The following SMARCD2 variants were observed in gnomAD, a reference collection of about 807,000 sequenced individuals.
The protein encoded by SMARCD2 is SWI/SNF related BAF chromatin remodeling complex subunit D2.
Under a neutral mutation model 70.4 loss-of-function variants are expected in SMARCD2, and 39 were observed. The observed-to-expected ratio is 0.55, with a 90% CI of 0.43 to 0.72. SMARCD2 has a LOEUF of 0.72. Among genes scored for constraint, SMARCD2 ranks in the 30% least tolerant of loss-of-function variants. The probability of loss-of-function intolerance (pLI) is 0.00; values close to 1 mark genes in which losing one functional copy is unlikely to be tolerated. For synonymous variants in SMARCD2, 249 were observed against 279.4 expected (o/e 0.89, Z 1.08); for missense variants, 540 against 713.4 (o/e 0.76, Z 2.77).
intron 1 of SMARCD2, among the ~76,000 whole-genome samples, chr17:63,839,817 C>A (rs1391294131): frequency 6.6e-6 from 1 of 152,162 alleles, no homozygotes; most frequent in Non-Finnish European, 1.5e-5. Flanking sequence ...AACATACCAC[C>A]CACTCTCCCA....
intron 4 of SMARCD2, among the ~76,000 whole-genome samples, chr17:63,836,343 C>T (rs1004695246): frequency 6.6e-6 from 1 of 151,482 alleles, no homozygotes; most frequent in Non-Finnish European, 1.5e-5. Context: ...ACTAAAAATA[C>T]AAAAATTAGC....
At chr17:63,838,700 C>G (rs1249874222) in intron 1 of SMARCD2, 1 of 1,391,064 alleles carries the variant, frequency 7.2e-7, no homozygotes, top group Admixed American at 2.9e-5. Flanking sequence ...CCTGCAAGGC[C>G]TGTTTGGCAG....
chr17:63,841,732 T>G (rs987952760), intron 1 of SMARCD2, among the ~76,000 whole-genome samples: 1 of 152,204 alleles, frequency 6.6e-6, no homozygotes, highest in Non-Finnish European at 1.5e-5. Context: ...AGGGCTCCAC[T>G]CTGCACGTCC....
At chr17:63,841,137 G>C (rs1026302981) in intron 1 of SMARCD2, among the ~76,000 whole-genome samples, 1 of 152,252 alleles carries the variant, frequency 6.6e-6, no homozygotes, top group Admixed American at 6.5e-5. Flanking sequence ...AATCCCCAAC[G>C]GGGACAGCAA....
intron 1 of SMARCD2, chr17:63,838,838 C>G: frequency 8.0e-7 from 1 of 1,254,436 alleles, no homozygotes; most frequent in East Asian, 3.1e-5. Context: ...AAGGACCCTC[C>G]CCCACCCCAG....
intron 1 of SMARCD2, among the ~76,000 whole-genome samples, chr17:63,838,079 G>A (rs1210548008): frequency 6.6e-6 from 1 of 152,150 alleles, no homozygotes; most frequent in African/African-American, 2.4e-5. Context: ...TCACTGCCAG[G>A]CAGAGGAGTG....
At position 63,834,075 on chromosome 17, in the gene SMARCD2, G is replaced by A. The variant is rs1316840931; in HGVS notation, c.1084-69C>T. The stretch of plus-strand genomic sequence containing the variant: ...TGGAGTGGACCATTCCAGGACCAGT[G>A]AGGGCAGCAGTCTGCAGGCTGTGGC... On this transcript the variant is annotated intron_variant, in intron 8 of 12. Transcript: ENST00000448276. The surrounding 1 kb of genome is among the most constrained non-coding windows in gnomAD (Gnocchi z 5.6). 4.4e-6 allele frequency: 7 copies of A among 1,589,438 alleles called. No homozygotes were observed. In the Admixed American group the frequency reaches 5.0e-5, roughly 11 times the overall value.
Position 63,834,705 on chromosome 17 carries a change from C to T in SMARCD2, c.819G>A (p.Glu273=). Residue 273 remains glutamate (E), a splice_region_variant and synonymous_variant, in exon 6 of 13, where the codon GAG becomes GAA. Coordinates refer to ENST00000448276, the MANE Select transcript of SMARCD2 (RefSeq NM_001098426.2). This position sits in a 1 kb window ranked among gnomAD's most constrained non-coding sequence, Gnocchi z 5.6. ...GCTTTTGCCCCAGGCCCACTCTCAC[C>T]TCCACCAGGTGATTGTCAGGCCCGT... The part of the protein sequence containing the change: ...ELYGPDNHLV[E]WHRMPTTQET... 6.2e-7 allele frequency: 1 copy of T among 1,611,852 alleles called. No individual in the cohort carries two copies. Among genetic ancestry groups the T allele is most frequent in the South Asian group, 1.1e-5 (1 of 91,062 alleles).
At position 63,833,717 on chromosome 17, in the gene SMARCD2, T is replaced by C; in HGVS notation, c.1187A>G (p.Asp396Gly). 6.2e-7 allele frequency: 1 copy of C among 1,613,878 alleles called. No homozygotes were observed. Among genetic ancestry groups the C allele is most frequent in the Non-Finnish European group, 8.5e-7 (1 of 1,179,858 alleles). Residue 396 changes from aspartate to glycine, a missense_variant, in exon 10 of 13, where the codon GAC becomes GGC. Transcript: ENST00000448276. This position sits in a 1 kb window ranked among gnomAD's most constrained non-coding sequence, Gnocchi z 4.3. ...PIVINHVISV[D>G]PNDQKKTACY... is the part of the protein sequence containing the mutation. Reference sequence around the variant, plus strand: ...GGCTGTCTTCTTCTGGTCGTTAGGGTCGACACTGCAGGCAGCACATGGGGA... The same window carrying C: ...GGCTGTCTTCTTCTGGTCGTTAGGGCCGACACTGCAGGCAGCACATGGGGA...
intron 5 of SMARCD2, chr17:63,835,032 CTG>C (rs2040247387): frequency 7.0e-6 from 4 of 570,296 alleles, no homozygotes; most frequent in Non-Finnish European, 1.2e-5. Flanking sequence ...TGCAGGAACA[CTG>C]TAATAACCAC....
chr17:63,842,251 G>T, intron 1 of SMARCD2: 2 of 906,074 alleles, frequency 2.2e-6, no homozygotes, highest in Non-Finnish European at 2.8e-6. Context: ...CCTCCCAGCT[G>T]CTTCCAGCCC....
Position 63,834,630 on chromosome 17 carries a change from C to A in SMARCD2, c.820-55G>T. On this transcript the variant is annotated intron_variant, in intron 6 of 12. Transcript: ENST00000448276. This position sits in a 1 kb window ranked among gnomAD's most constrained non-coding sequence, Gnocchi z 5.6. ...CAAGGGGGTGGGCGTGAACACAGGGCCTCCCAAGGGCCCTGAGGCCATTTC... is the reference window on the plus strand; with the variant it reads ...CAAGGGGGTGGGCGTGAACACAGGGACTCCCAAGGGCCCTGAGGCCATTTC... 6.4e-7 allele frequency: 1 copy of A among 1,569,648 alleles called. No individual in the cohort carries two copies. Among genetic ancestry groups the A allele is most frequent in the Non-Finnish European group, 8.8e-7 (1 of 1,141,782 alleles).
chr17:63,836,851 G>T, intron 4 of SMARCD2, 71 bp downstream of exon 4: 1 of 1,520,128 alleles, frequency 6.6e-7, no homozygotes, highest in South Asian at 1.1e-5. Context: ...AACTTGCTTG[G>T]CCCCTGGAAA....
intron 1 of SMARCD2, chr17:63,838,812 G>A (rs915808291): frequency 3.2e-6 from 4 of 1,262,538 alleles, no homozygotes; most frequent in Middle Eastern, 3.0e-4. Context: ...GCAGGGTGGA[G>A]ACTTGTACCA....
Position 63,835,411 on chromosome 17 carries a change from C to T in SMARCD2, c.723+1G>A. ...CTCCAGAACCTCCCTCCCCAACTCA[C>T]ATCATCCAGCAGTTTTCCTTCCACT... On this transcript the variant is annotated splice_donor_variant, in intron 5 of 12. Transcript: ENST00000448276. LOFTEE classifies it high-confidence loss of function. 6.2e-7 allele frequency: 1 copy of T among 1,612,502 alleles called. No individual in the cohort carries two copies. Among genetic ancestry groups the T allele is most frequent in the South Asian group, 1.1e-5 (1 of 90,906 alleles).
Position 63,837,919 on chromosome 17 carries a change from GC to G in SMARCD2, c.217-295del, listed in dbSNP as rs998851291. ...GAAGGGCCTTGGGGAGCTTTTCAGG[GC>G]CCATTGCTACCTTCCAGCCCCAGCA... On this transcript the variant is annotated intron_variant, in intron 1 of 12. Coordinates refer to ENST00000448276, the MANE Select transcript of SMARCD2 (RefSeq NM_001098426.2). This position sits in a 1 kb window ranked among gnomAD's most constrained non-coding sequence, Gnocchi z 6.4. 6.6e-6 allele frequency among the ~76,000 whole-genome samples: 1 copy of G among 152,134 alleles called. No individual in the cohort carries two copies. Among genetic ancestry groups the G allele is most frequent in the African/African-American group, 2.4e-5 (1 of 41,414 alleles).
chr17:63,837,897 G>A lies in SMARCD2; in HGVS notation c.217-272C>T, dbSNP rs1421210079. Among the ~76,000 whole-genome samples, 1 of 152,150 alleles carries A rather than the reference G, an allele frequency of 6.6e-6. No homozygotes were observed. Among genetic ancestry groups the A allele is most frequent in the Non-Finnish European group, 1.5e-5 (1 of 68,018 alleles). On this transcript the variant is annotated intron_variant, in intron 1 of 12. Coordinates refer to ENST00000448276, the MANE Select transcript of SMARCD2 (RefSeq NM_001098426.2). This position sits in a 1 kb window ranked among gnomAD's most constrained non-coding sequence, Gnocchi z 6.4. ...AGGAGGGTCCTGCCTGCAGAGGGAA[G>A]GGCCTTGGGGAGCTTTTCAGGGCCC...
rs1904357178 is a variant in SMARCD2, at chr17:63,839,520, C to T, written c.217-1895G>A. Among the ~76,000 whole-genome samples, 4 of 151,800 alleles carry T rather than the reference C, an allele frequency of 2.6e-5. No individual in the cohort carries two copies. In the South Asian group the frequency reaches 8.3e-4, roughly 31 times the overall value. ...CTTATAGTTCAAGTCCCAGCTGAGC[C>T]TTGCCAAGCTCCATAGGGCTTATAG... On this transcript the variant is annotated intron_variant, in intron 1 of 12. Transcript: ENST00000448276.
chr17:63,832,303 C>A lies in SMARCD2; in HGVS notation c.*635G>T. 1 of 347,500 alleles carries A rather than the reference C, an allele frequency of 2.9e-6. No homozygotes were observed. The highest frequency in any genetic ancestry group is 3.9e-5 in the South Asian group (1 of 25,468). The allele number at this position is 347,500 out of a possible 1,614,324, so 21.5% of individuals were successfully genotyped here. On this transcript the variant is annotated 3_prime_UTR_variant, in exon 13 of 13. Transcript: ENST00000448276. ...GGCCCAAGCCGCTGGAGAGGCAGCC[C>A]TCTGGCATCCCAGGAGATGATGGCG...
Sources: gnomAD v4.1 joint callset for allele counts (sites outside exome capture counted in the v4.1 genomes callset) on GRCh38, gnomAD v4.1.1 for gene constraint, Gnocchi (gnomAD v3.1) non-coding constraint, MANE v1.5 for transcripts, NCBI Gene and HGNC (gene_info 2026-07-23, HGNC 2026-07-21) for gene names.